Variants in GLIS1 observed in about 807,000 individuals in gnomAD.
The protein encoded by GLIS1 is zinc finger protein GLIS1.
A neutral mutation model predicts 63.8 loss-of-function variants in GLIS1; 24 were observed. The observed-to-expected ratio is 0.38, with a 90% CI of 0.27 to 0.53. GLIS1 has a LOEUF of 0.53. GLIS1 is among the 20% of genes least tolerant of loss of function. The pLI, the probability that GLIS1 is intolerant of heterozygous loss-of-function variation, is 0.85. For missense variants in GLIS1, 1,036 were observed against 1,074.1 expected, an observed-to-expected ratio of 0.96 and a Z score of 0.50; for synonymous variants, 450 against 482.5, an observed-to-expected ratio of 0.93 and a Z score of 0.88.
In GLIS1 at chr1:53,509,187, C is replaced by T. The variant is rs763525078; in HGVS notation, c.2163G>A (p.Glu721=). Residue 721 remains glutamate (E), a synonymous_variant, in exon 10 of 11, where the codon GAG becomes GAA. Transcript: ENST00000628545. ...PAAGGDGLVG[E]THGFNPLRPN... is the part of the protein sequence containing the mutation. ...GCCGCAGGGGGTTGAAACCGTGGGTCTCCCCGACCAGTCCGTCCCCACCGG... is the reference window on the plus strand; with the variant it reads ...GCCGCAGGGGGTTGAAACCGTGGGTTTCCCCGACCAGTCCGTCCCCACCGG... The T allele has an allele frequency of 6.2e-7, 1 of 1,600,946 alleles. No homozygotes were observed. Among genetic ancestry groups the T allele is most frequent in the Non-Finnish European group, 8.5e-7 (1 of 1,174,444 alleles).
At chr1:53,704,815 G>C (rs908350493) in intron 2 of GLIS1, among the ~76,000 whole-genome samples, 1 of 152,198 alleles carries the variant, frequency 6.6e-6, no homozygotes, top group Non-Finnish European at 1.5e-5. Flanking sequence ...GAGAGCAGAA[G>C]TTAAAGGAGA....
chr1:53,555,958 A>ATG (rs1557448199), intron 4 of GLIS1, among the ~76,000 whole-genome samples: 1 of 97,488 alleles, frequency 1.0e-5, no homozygotes, highest in South Asian at 3.8e-4. Context: ...TACTGCAGGT[A>ATG]TGTGTGTGTG....
intron 2 of GLIS1, among the ~76,000 whole-genome samples, chr1:53,642,366 G>A (rs1046745339): frequency 6.6e-6 from 1 of 152,138 alleles, no homozygotes; most frequent in Non-Finnish European, 1.5e-5. Flanking sequence ...TGGGTTCCCT[G>A]CACCTATTTC....
chr1:53,553,447 T>G (rs1313390638), intron 4 of GLIS1, among the ~76,000 whole-genome samples: 2 of 150,862 alleles, frequency 1.3e-5, no homozygotes, highest in Non-Finnish European at 2.9e-5. Flanking sequence ...CTCAAATGCC[T>G]CCAAGAAGCT....
At chr1:53,715,869 A>G (rs1256566856) in intron 2 of GLIS1, among the ~76,000 whole-genome samples, 1 of 152,180 alleles carries the variant, frequency 6.6e-6, no homozygotes, top group African/African-American at 2.4e-5. Context: ...GAAAGGCTGC[A>G]AACAGAAGTG....
chr1:53,594,825 G>A lies in GLIS1; in HGVS notation c.603C>T (p.Leu201=). ...LATGLHPDLD[L]PGRSLATPAP... ...CAGGGGTGGCGAGGCTTCGGCCCGG[G>A]AGGTCCAGGTCTGGGTGCAGGCCAG... Residue 201 remains leucine (L), a synonymous_variant, in exon 4 of 11, where the codon CTC becomes CTT. Coordinates refer to ENST00000628545, the MANE Select transcript of GLIS1 (RefSeq NM_001367484.1). 6.2e-7 allele frequency: 1 copy of A among 1,605,766 alleles called. No individual in the cohort carries two copies. The highest frequency in any genetic ancestry group is 1.1e-5 in the South Asian group (1 of 89,862).
chr1:53,552,676 A>G (rs554957091), intron 4 of GLIS1, among the ~76,000 whole-genome samples: 1,709 of 151,736 alleles, frequency 0.011, 21 homozygotes, highest in Non-Finnish European at 0.02. Context: ...GCTCGTGCCC[A>G]CAGATGGCTC....
chr1:53,705,170 C>T (rs996363006), intron 2 of GLIS1, among the ~76,000 whole-genome samples: 1 of 152,176 alleles, frequency 6.6e-6, no homozygotes, highest in Non-Finnish European at 1.5e-5. Flanking sequence ...ACTTCCACAG[C>T]TACTATCGCA....
At chr1:53,685,809 G>C (rs1446729621) in intron 2 of GLIS1, among the ~76,000 whole-genome samples, 4 of 152,170 alleles carry the variant, frequency 2.6e-5, no homozygotes, top group African/African-American at 9.7e-5. Context: ...GCCCCTGACT[G>C]GCCCTTCAAT....
At chr1:53,529,354 G>T (rs942652824) in intron 5 of GLIS1, among the ~76,000 whole-genome samples, 3 of 152,276 alleles carry the variant, frequency 2.0e-5, no homozygotes, top group South Asian at 4.2e-4. Context: ...GTCTACGGAG[G>T]GGGCAGGAAG....
chr1:53,690,102 G>A (rs534986423), intron 2 of GLIS1, among the ~76,000 whole-genome samples: 22 of 152,220 alleles, frequency 1.4e-4, no homozygotes, highest in Admixed American at 2.6e-4. Flanking sequence ...AGCACCCTGC[G>A]TCATGCCTGA....
intron 2 of GLIS1, among the ~76,000 whole-genome samples, chr1:53,684,719 C>T (rs1400411880): frequency 6.6e-6 from 1 of 152,212 alleles, no homozygotes; most frequent in African/African-American, 2.4e-5. Flanking sequence ...TCATACAGCT[C>T]CCACACCAGC....
chr1:53,627,349 G>C (rs1306781963), intron 2 of GLIS1, among the ~76,000 whole-genome samples: 1 of 152,160 alleles, frequency 6.6e-6, no homozygotes, highest in African/African-American at 2.4e-5. Context: ...GTGGGCACCG[G>C]ACCGCTTCCC....
At chr1:53,586,764 C>T (rs1645140550) in intron 4 of GLIS1, among the ~76,000 whole-genome samples, 1 of 152,174 alleles carries the variant, frequency 6.6e-6, no homozygotes, top group Non-Finnish European at 1.5e-5. Flanking sequence ...TCTTTAAAGT[C>T]CCACCAATGT....
At chr1:53,723,710 T>C (rs900128391) in intron 2 of GLIS1, among the ~76,000 whole-genome samples, 2 of 152,184 alleles carry the variant, frequency 1.3e-5, no homozygotes, top group African/African-American at 4.8e-5. Context: ...CATGTTTCTA[T>C]AGTTTCCAAA....
intron 2 of GLIS1, among the ~76,000 whole-genome samples, chr1:53,628,667 C>A (rs1645621602): frequency 6.6e-6 from 1 of 152,148 alleles, no homozygotes; most frequent in Non-Finnish European, 1.5e-5. Context: ...CACAGGCACC[C>A]CCTCCACCGT....
intron 2 of GLIS1, among the ~76,000 whole-genome samples, chr1:53,601,252 C>T (rs1645314898): frequency 6.6e-6 from 1 of 152,186 alleles, no homozygotes; most frequent in African/African-American, 2.4e-5. Context: ...CTCACCCGTT[C>T]CCCAGTGATG....
In GLIS1 at chr1:53,675,323, T is replaced by C. The variant is rs183853915; in HGVS notation, c.259+62483A>G. Among the ~76,000 whole-genome samples, 3 of 152,270 alleles carry C rather than the reference T, an allele frequency of 2.0e-5. No homozygotes were observed. In the East Asian group the frequency reaches 5.8e-4, roughly 29 times the overall value. The stretch of plus-strand genomic sequence containing the variant: ...TCACTCACCTGGGATTATTATTCCA[T>C]CTTTAGAGATGTGGCTCAGAGAGGG... On this transcript the variant is annotated intron_variant, in intron 2 of 10. Transcript: ENST00000628545.
intron 2 of GLIS1, among the ~76,000 whole-genome samples, chr1:53,613,230 G>A (rs1328393310): frequency 6.6e-6 from 1 of 152,158 alleles, no homozygotes; most frequent in Non-Finnish European, 1.5e-5. Context: ...TAATTTTAAT[G>A]ACTCTATAGA....
Sources: allele counts gnomAD v4.1 joint callset (sites outside exome capture counted in the v4.1 genomes callset), GRCh38; gene constraint gnomAD v4.1.1; transcripts MANE v1.5; gene names NCBI Gene and HGNC (gene_info 2026-07-23, HGNC 2026-07-21).